The following PTPRT variants were observed in gnomAD, a reference collection of about 807,000 sequenced individuals.
PTPRT encodes the protein receptor-type tyrosine-protein phosphatase T.
A neutral mutation model predicts 176.8 loss-of-function variants in PTPRT; 56 were observed. The observed-to-expected ratio is 0.32, with a 90% CI of 0.26 to 0.40. PTPRT has a LOEUF of 0.40. PTPRT is among the 10% of genes least tolerant of loss of function. The probability of loss-of-function intolerance (pLI) is 1.00; values close to 1 mark genes in which losing one functional copy is unlikely to be tolerated. For missense variants in PTPRT, 1,540 were observed against 1,908.2 expected, an observed-to-expected ratio of 0.81 and a Z score of 3.60; for synonymous variants, 783 against 739.0, an observed-to-expected ratio of 1.06 and a Z score of -0.96.
chr20:42,771,405 A>G lies in PTPRT; in HGVS notation c.684+30T>C, dbSNP rs201477073. 1.2e-3 allele frequency: 1,799 copies of G among 1,559,450 alleles called. 3 individuals are homozygous for G. Among genetic ancestry groups the G allele is most frequent in the Non-Finnish European group, 1.4e-3 (1,602 of 1,130,698 alleles). ...TTCTTTTCCCTTTCTCATCCTAACG[A>G]GTCTGAGCAGAGGCTTCTCTCATGC... On this transcript the variant is annotated intron_variant, in intron 5 of 30. Transcript: ENST00000373187.
At chr20:42,325,583 A>G (rs558618078) in intron 11 of PTPRT, among the ~76,000 whole-genome samples, 7 of 152,296 alleles carry the variant, frequency 4.6e-5, no homozygotes, top group African/African-American at 1.7e-4. Context: ...CAGCATCTTC[A>G]TAGTTACAGC....
At chr20:42,926,463 T>C (rs1278688737) in intron 1 of PTPRT, among the ~76,000 whole-genome samples, 1 of 152,212 alleles carries the variant, frequency 6.6e-6, no homozygotes, top group East Asian at 1.9e-4. Context: ...AAGGAGCTTA[T>C]AGCAATCCTC....
intron 1 of PTPRT, among the ~76,000 whole-genome samples, chr20:42,981,439 G>A (rs950245782): frequency 6.6e-6 from 1 of 152,186 alleles, no homozygotes; most frequent in Non-Finnish European, 1.5e-5. Context: ...CCCTGGCCAC[G>A]TGAGTTGCTT....
chr20:42,518,530 A>G lies in PTPRT; in HGVS notation c.1154-45968T>C, dbSNP rs144941427. Among the ~76,000 whole-genome samples the G allele has an allele frequency of 4.2e-4, 64 of 152,224 alleles. 1 individual carries two copies. The East Asian group carries it at 0.012, about 29-fold the overall frequency. Reference sequence around the variant, plus strand: ...TTTTCTTGAAAGTTATCCATTTCACATAAATTTTTAAATGCATTAGAATAT... The same window carrying G: ...TTTTCTTGAAAGTTATCCATTTCACGTAAATTTTTAAATGCATTAGAATAT... On this transcript the variant is annotated intron_variant, in intron 7 of 30. Coordinates refer to ENST00000373187, the MANE Select transcript of PTPRT (RefSeq NM_007050.6).
chr20:42,732,643 T>C (rs1037608146), intron 6 of PTPRT, among the ~76,000 whole-genome samples: 1 of 152,194 alleles, frequency 6.6e-6, no homozygotes, highest in Admixed American at 6.5e-5. Context: ...TCGTGCTGTT[T>C]CATGCTTAGA....
intron 7 of PTPRT, among the ~76,000 whole-genome samples, chr20:42,617,635 C>T (rs1355434461): frequency 7.2e-6 from 1 of 138,240 alleles, no homozygotes; most frequent in Non-Finnish European, 1.5e-5. Flanking sequence ...TTGGTCTATT[C>T]AGAGATTCAA....
chr20:42,787,907 A>C (rs996899947), intron 3 of PTPRT, among the ~76,000 whole-genome samples: 1 of 152,218 alleles, frequency 6.6e-6, no homozygotes, highest in African/African-American at 2.4e-5. Flanking sequence ...CAGGGTTGTT[A>C]TAAAATACAG....
intron 9 of PTPRT, among the ~76,000 whole-genome samples, chr20:42,389,626 A>C (rs1052241479): frequency 5.3e-5 from 8 of 151,902 alleles, no homozygotes; most frequent in African/African-American, 1.9e-4. Context: ...AAGGCGAGAG[A>C]CTTCTTGCTT....
intron 1 of PTPRT, among the ~76,000 whole-genome samples, chr20:43,058,269 AAG>A (rs1464347726): frequency 6.6e-6 from 1 of 152,090 alleles, no homozygotes; most frequent in Non-Finnish European, 1.5e-5. Context: ...CAGAGAGACA[AAG>A]AGATATGAGG....
intron 6 of PTPRT, among the ~76,000 whole-genome samples, chr20:42,706,386 C>T (rs557987573): frequency 2.6e-5 from 4 of 152,060 alleles, no homozygotes; most frequent in Non-Finnish European, 4.4e-5. Flanking sequence ...TAAATTCCTT[C>T]TGTTTGAAAC....
intron 2 of PTPRT, among the ~76,000 whole-genome samples, chr20:42,842,599 T>C (rs1157178062): frequency 1.3e-5 from 2 of 152,048 alleles, no homozygotes; most frequent in African/African-American, 4.8e-5. Context: ...TTTGTATTTT[T>C]AGTAGAGATG....
chr20:43,174,703 C>T (rs1025481478), intron 1 of PTPRT, among the ~76,000 whole-genome samples: 5 of 152,232 alleles, frequency 3.3e-5, no homozygotes, highest in African/African-American at 4.8e-5. Context: ...CTGTCATATT[C>T]GAATGTGGAC....
chr20:43,092,562 C>T (rs1051541245), intron 1 of PTPRT, among the ~76,000 whole-genome samples: 1 of 152,204 alleles, frequency 6.6e-6, no homozygotes, highest in East Asian at 1.9e-4. Flanking sequence ...CCCAAACATA[C>T]GATGGAATCA....
intron 6 of PTPRT, among the ~76,000 whole-genome samples, chr20:42,705,789 A>C (rs928298847): frequency 1.3e-4 from 20 of 152,284 alleles, no homozygotes; most frequent in African/African-American, 4.8e-4. Context: ...AGATGCTTAG[A>C]CACATGGGGG....
At chr20:42,647,071 T>A (rs920986441) in intron 7 of PTPRT, among the ~76,000 whole-genome samples, 1 of 151,562 alleles carries the variant, frequency 6.6e-6, no homozygotes, top group Admixed American at 6.6e-5. Flanking sequence ...TTTTTAAAAA[T>A]TGTTTTGTAG....
At chr20:42,850,617 C>A (rs1484807036) in intron 2 of PTPRT, among the ~76,000 whole-genome samples, 2 of 152,146 alleles carry the variant, frequency 1.3e-5, no homozygotes, top group Non-Finnish European at 2.9e-5. Context: ...TGCTATACAC[C>A]CACTGCACTG....
chr20:42,497,605 C>T (rs182968735), intron 7 of PTPRT, among the ~76,000 whole-genome samples: 55 of 152,084 alleles, frequency 3.6e-4, no homozygotes, highest in Admixed American at 9.8e-4. Context: ...TTTTTTTAAA[C>T]GAAATCTTTT....
At chr20:42,568,754 A>G (rs1450001308) in intron 7 of PTPRT, among the ~76,000 whole-genome samples, 1 of 152,074 alleles carries the variant, frequency 6.6e-6, no homozygotes, top group Non-Finnish European at 1.5e-5. Flanking sequence ...TCATCTGGGA[A>G]TAAGAATTAT....
intron 12 of PTPRT, among the ~76,000 whole-genome samples, chr20:42,312,216 G>T (rs1023920431): frequency 6.6e-6 from 1 of 152,116 alleles, no homozygotes; most frequent in Non-Finnish European, 1.5e-5. Flanking sequence ...TCAGTCAATT[G>T]CTCTGTGAAT....
Sources: allele counts gnomAD v4.1 joint callset (sites outside exome capture counted in the v4.1 genomes callset), GRCh38; gene constraint gnomAD v4.1.1; transcripts MANE v1.5; gene names NCBI Gene and HGNC (gene_info 2026-07-23, HGNC 2026-07-21).